The following KCTD18 variants were observed in gnomAD, a reference collection of about 807,000 sequenced individuals.
KCTD18 encodes the protein potassium channel tetramerization domain containing 18, also known as BTB/POZ domain-containing protein KCTD18.
In KCTD18, 22 loss-of-function variants were observed where a neutral mutation model predicts 30.4. That is an observed-to-expected ratio of 0.72 (90% CI 0.52 to 1.03). The LOEUF is 1.03. KCTD18 is among the 50% of genes least tolerant of loss of function. The pLI is 0.00. For missense variants in KCTD18, 529 were observed against 547.6 expected (o/e 0.97, Z 0.34); for synonymous variants, 186 against 209.0 (o/e 0.89, Z 0.95).
rs770389790 is a variant in KCTD18, at chr2:200,490,216, G to A, written c.1165C>T (p.Pro389Ser). 1.0e-5 allele frequency: 16 copies of A among 1,580,274 alleles called. No homozygotes were observed. The highest frequency in any genetic ancestry group is 1.2e-5 in the Non-Finnish European group (14 of 1,151,946). ...GTGGCCGTGGGGGAGGGCAGGCAAGGCGCGGTGGCGCACAGCGGAGTCCTC... is the reference window on the plus strand; with the variant it reads ...GTGGCCGTGGGGGAGGGCAGGCAAGACGCGGTGGCGCACAGCGGAGTCCTC... ...LKRTPLCATA[P>S]CLPSPTATRQ... The change falls in exon 7 of 7, where the codon CCT (proline) becomes TCT (serine). Residue 389 changes from proline (P) to serine (S), a missense_variant. By Grantham distance (74) the Pro-to-Ser change is moderately conservative (BLOSUM62 -1). Transcript: ENST00000359878.
rs1216577191 is a variant in KCTD18 at position 200,509,881 on chromosome 2, C to A, written c.-329G>T. ...CGAAGCCCGAGCCTGCAGCCCGGGG[C>A]GCGCGCGTTACCAGCGCGGCCCGTG... On this transcript the variant is annotated 5_prime_UTR_variant, in exon 1 of 7. Coordinates refer to ENST00000359878, the MANE Select transcript of KCTD18 (RefSeq NM_152387.4). 6.6e-6 allele frequency: 1 copy of A among 151,972 alleles called. No individual in the cohort carries two copies. Among genetic ancestry groups the A allele is most frequent in the South Asian group, 2.1e-4 (1 of 4,832 alleles). The allele number at this position is 151,972 out of a possible 1,614,324, so 9.4% of individuals were successfully genotyped here.
rs548684633 is a variant in KCTD18 at position 200,497,641 on chromosome 2, T to C, written c.661+112A>G. The C allele has an allele frequency of 2.0e-4, 153 of 772,118 alleles. 1 individual carries two copies. In the South Asian group the frequency reaches 2.2e-3, roughly 11 times the overall value. The allele number at this position is 772,118 out of a possible 1,614,324, so 47.8% of individuals were successfully genotyped here. The stretch of plus-strand genomic sequence containing the variant: ...TGTTATCATGAGATGACAAATACAT[T>C]GTAAGACTCAAAAGAATACTTTCTA... On this transcript the variant is annotated intron_variant, in intron 5 of 6. Transcript: ENST00000359878.
chr2:200,502,187 A>G (rs1367884570), intron 3 of KCTD18, among the ~76,000 whole-genome samples: 2 of 152,132 alleles, frequency 1.3e-5, no homozygotes, highest in African/African-American at 4.8e-5. Context: ...ACCTAATGCT[A>G]GATGATGAGT....
intron 2 of KCTD18, among the ~76,000 whole-genome samples, chr2:200,505,414 G>A (rs1029847560): frequency 6.6e-6 from 1 of 152,164 alleles, no homozygotes; most frequent in Non-Finnish European, 1.5e-5. Context: ...GGATAAAAGG[G>A]CACCCTTTTC....
Position 200,493,236 on chromosome 2 carries a change from A to T in KCTD18, c.700T>A (p.Cys234Ser). 1 of 1,612,762 alleles carries T rather than the reference A, an allele frequency of 6.2e-7. No individual in the cohort carries two copies. The highest frequency in any genetic ancestry group is 2.2e-5 in the East Asian group (1 of 44,862). ...AAAGGCCGTTCTTCTAGAGTCCAACACTCTATCAGCTCATGAGGCACCCGC... is the reference window on the plus strand; with the variant it reads ...AAAGGCCGTTCTTCTAGAGTCCAACTCTCTATCAGCTCATGAGGCACCCGC... Reference protein sequence around the residue: ...YWRVPHELIECWTLEERPLLG... With the variant: ...YWRVPHELIESWTLEERPLLG... The change falls in exon 6 of 7, where the codon TGT becomes AGT. Residue 234 changes from cysteine (C) to serine (S), a missense_variant. By Grantham distance (112) the Cys-to-Ser change is moderately radical (BLOSUM62 -1). Coordinates refer to ENST00000359878, the MANE Select transcript of KCTD18 (RefSeq NM_152387.4).
chr2:200,499,089 A>G lies in KCTD18; in HGVS notation c.373-5T>C. 2 of 1,583,318 alleles carry G rather than the reference A, an allele frequency of 1.3e-6. No individual in the cohort carries two copies. The highest frequency in any genetic ancestry group is 1.4e-5 in the African/African-American group (1 of 73,470). Reference sequence around the variant, plus strand: ...ATCACAGAAGTCTGTTAAAGCCTAAAGCAAAAAGTATATATAAAATTTGAA... The same window carrying G: ...ATCACAGAAGTCTGTTAAAGCCTAAGGCAAAAAGTATATATAAAATTTGAA... On this transcript the variant is annotated splice_region_variant and splice_polypyrimidine_tract_variant and intron_variant, in intron 3 of 6. Coordinates refer to ENST00000359878, the MANE Select transcript of KCTD18 (RefSeq NM_152387.4).
chr2:200,490,165 G>C lies in KCTD18; in HGVS notation c.1216C>G (p.Leu406Val), dbSNP rs927913109. 5 of 1,610,106 alleles carry C rather than the reference G, an allele frequency of 3.1e-6. No individual in the cohort carries two copies. Among genetic ancestry groups the C allele is most frequent in the Non-Finnish European group, 4.2e-6 (5 of 1,176,826 alleles). ...ATRQANSLKP[L>V]PGEAARALGV... Reference sequence around the variant, plus strand: ...AAGGCACGGGCAGCTTCGCCGGGAAGCGGCTTGAGGGAGTTGGCCTGCCTC... The same window carrying C: ...AAGGCACGGGCAGCTTCGCCGGGAACCGGCTTGAGGGAGTTGGCCTGCCTC... The change falls in exon 7 of 7, where the codon CTT becomes GTT. Residue 406 changes from leucine to valine, a missense_variant. Coordinates refer to ENST00000359878, the MANE Select transcript of KCTD18 (RefSeq NM_152387.4).
Position 200,499,096 on chromosome 2 carries a change from A to C in KCTD18, c.373-12T>G. On this transcript the variant is annotated splice_polypyrimidine_tract_variant and intron_variant, in intron 3 of 6. Transcript: ENST00000359878. Reference sequence around the variant, plus strand: ...AAGTCTGTTAAAGCCTAAAGCAAAAAGTATATATAAAATTTGAATTTAATT... The same window carrying C: ...AAGTCTGTTAAAGCCTAAAGCAAAACGTATATATAAAATTTGAATTTAATT... The C allele has an allele frequency of 4.5e-6, 7 of 1,560,602 alleles. No homozygotes were observed. The highest frequency in any genetic ancestry group is 6.1e-6 in the Non-Finnish European group (7 of 1,153,228).
Position 200,497,765 on chromosome 2 carries a change from A to G in KCTD18, c.649T>C (p.Trp217Arg), listed in dbSNP as rs753718907. The G allele has an allele frequency of 6.2e-7, 1 of 1,608,876 alleles. No individual in the cohort carries two copies. The highest frequency in any genetic ancestry group is 1.7e-5 in the Admixed American group (1 of 60,014). ...LKKMMDAFDA[W>R]EGKGVSYWRV... Reference sequence around the variant, plus strand: ...AATTGCACTGTACCTTTTCCTTCCCAAGCATCAAAGGCATCCATCATTTTC... The same window carrying G: ...AATTGCACTGTACCTTTTCCTTCCCGAGCATCAAAGGCATCCATCATTTTC... Residue 217 changes from tryptophan (W) to arginine (R), a missense_variant, in exon 5 of 7, where the codon TGG becomes CGG. Coordinates refer to ENST00000359878, the MANE Select transcript of KCTD18 (RefSeq NM_152387.4).
Position 200,493,164 on chromosome 2 carries a change from T to C in KCTD18, c.764+8A>G. On this transcript the variant is annotated splice_region_variant and intron_variant, in intron 6 of 6. Transcript: ENST00000359878. ...AACAAAACAAATAAACAACACAGCA[T>C]AGATAACCTCTTTCGAATTGGAGCC... 6.4e-7 allele frequency: 1 copy of C among 1,552,718 alleles called. No homozygotes were observed. The highest frequency in any genetic ancestry group is 8.9e-7 in the Non-Finnish European group (1 of 1,124,096).
At chr2:200,505,875 G>A (rs200127525) in intron 2 of KCTD18, among the ~76,000 whole-genome samples, 2 of 148,582 alleles carry the variant, frequency 1.3e-5, no homozygotes, top group African/African-American at 2.5e-5. Context: ...AAAAAAAAAA[G>A]AGAGAAAAAC....
At chr2:200,491,204 C>T (rs889033918) in intron 6 of KCTD18, among the ~76,000 whole-genome samples, 7 of 152,174 alleles carry the variant, frequency 4.6e-5, no homozygotes, top group East Asian at 1.9e-4. Context: ...TATTCGTTCA[C>T]GTGGGAGCTG....
intron 6 of KCTD18, among the ~76,000 whole-genome samples, chr2:200,492,610 A>G (rs777347137): frequency 1.3e-5 from 2 of 152,246 alleles, no homozygotes; most frequent in Non-Finnish European, 2.9e-5. Flanking sequence ...AGAAATCAGA[A>G]CATCTGAAGG....
At chr2:200,502,283 TATAATA>T (rs565851093) in intron 3 of KCTD18, among the ~76,000 whole-genome samples, 8 of 151,856 alleles carry the variant, frequency 5.3e-5, no homozygotes, top group Non-Finnish European at 1.0e-4. Flanking sequence ...AACTTAAAAG[TATAATA>T]ATAATAAATT....
chr2:200,491,196 T>A (rs1282735537), intron 6 of KCTD18, among the ~76,000 whole-genome samples: 1 of 152,166 alleles, frequency 6.6e-6, no homozygotes, highest in Non-Finnish European at 1.5e-5. Flanking sequence ...TCTCACTCTA[T>A]TCGTTCACGT....
intron 2 of KCTD18, among the ~76,000 whole-genome samples, chr2:200,506,092 T>C (rs1032333562): frequency 6.6e-6 from 1 of 152,120 alleles, no homozygotes; most frequent in Admixed American, 6.6e-5. Flanking sequence ...AGCAACCTCC[T>C]AACACCAGAG....
chr2:200,493,236 ACT>A lies in KCTD18; in HGVS notation c.698_699del (p.Glu233ValfsTer29), dbSNP rs866354560. 2 of 1,612,644 alleles carry A rather than the reference ACT, an allele frequency of 1.2e-6. No homozygotes were observed. The highest frequency in any genetic ancestry group is 2.7e-5 in the African/African-American group (2 of 74,776). On this transcript the variant is annotated frameshift_variant, in exon 6 of 7. Transcript: ENST00000359878. LOFTEE classifies it high-confidence loss of function. ...SYWRVPHELI[E>X]CWTLEERPLL... ...AAAGGCCGTTCTTCTAGAGTCCAAC[ACT>A]CTATCAGCTCATGAGGCACCCGCCA... is the stretch of plus-strand genomic sequence containing the variant.
In KCTD18 at chr2:200,490,336, C is replaced by A; in HGVS notation, c.1045G>T (p.Ala349Ser). 6.2e-7 allele frequency: 1 copy of A among 1,614,250 alleles called. No homozygotes were observed. The highest frequency in any genetic ancestry group is 2.2e-5 in the East Asian group (1 of 44,886). Residue 349 changes from alanine (A) to serine (S), a missense_variant, in exon 7 of 7, where the codon GCT becomes TCT. Transcript: ENST00000359878. ...GTGCCTCCATTTTCAGCGCTCGCAG[C>A]CCCAGGGGAAGCCTGAGGATGCCCA... ...APGHPQASPG[A>S]ASAENGGTHL...
At chr2:200,506,625 T>G (rs530367253) in intron 2 of KCTD18, among the ~76,000 whole-genome samples, 11 of 152,380 alleles carry the variant, frequency 7.2e-5, no homozygotes, top group African/African-American at 2.6e-4. Flanking sequence ...ATAATTAGGT[T>G]ATGACCAGCC....
Sources: gnomAD v4.1 joint callset for allele counts (sites outside exome capture counted in the v4.1 genomes callset) on GRCh38, gnomAD v4.1.1 for gene constraint, MANE v1.5 for transcripts, NCBI Gene and HGNC (gene_info 2026-07-23, HGNC 2026-07-21) for gene names.